The following CDYL variants were observed in gnomAD, a reference collection of about 807,000 sequenced individuals.
CDYL encodes chromodomain Y-like protein.
In CDYL, 8 loss-of-function variants were observed where a neutral mutation model predicts 47.3. The ratio of observed to expected loss-of-function variants is 0.17; its 90% CI spans 0.10 to 0.31. The LOEUF is 0.31. CDYL is among the 10% of genes least tolerant of loss of function. The pLI is 1.00. For missense variants in CDYL, 471 were observed against 701.4 expected (o/e 0.67, Z 3.71); for synonymous variants, 266 against 265.0 (o/e 1.00, Z -0.04).
intron 1 of CDYL, among the ~76,000 whole-genome samples, chr6:4,830,836 G>A (rs1182043242): frequency 6.9e-6 from 1 of 144,464 alleles, no homozygotes; most frequent in Non-Finnish European, 1.5e-5. Context: ...TCCCACCTAT[G>A]AGTGAGAATA....
chr6:4,795,857 T>G (rs60855041), intron 1 of CDYL, among the ~76,000 whole-genome samples: 5,989 of 152,318 alleles, frequency 0.039, 170 homozygotes, highest in South Asian at 0.082. Context: ...CGTATTGTTC[T>G]TTCATGAACA....
intron 3 of CDYL, among the ~76,000 whole-genome samples, chr6:4,744,120 C>T (rs771122928): frequency 2.0e-5 from 3 of 152,088 alleles, no homozygotes; most frequent in Non-Finnish European, 2.9e-5. Context: ...CTGAGCAGGA[C>T]GAAGGTCAGA....
At position 4,937,554 on chromosome 6, in the gene CDYL, G is replaced by A. The variant is rs1758236331; in HGVS notation, c.949-11G>A. On this transcript the variant is annotated splice_polypyrimidine_tract_variant and intron_variant, in intron 3 of 6. Transcript: ENST00000397588. ...ATATTCTTTGCCACTTTAACTTCTG[G>A]TGACTTTCAGGTAATGAGAGAAGTC... 6.6e-7 allele frequency: 1 copy of A among 1,517,952 alleles called. No homozygotes were observed. The highest frequency in any genetic ancestry group is 8.8e-7 in the Non-Finnish European group (1 of 1,133,578). The allele number at this position is 1,517,952 out of a possible 1,614,324, so 94.0% of individuals were successfully genotyped here.
intron 1 of CDYL, among the ~76,000 whole-genome samples, chr6:4,852,636 A>G (rs572458285): frequency 5.8e-4 from 87 of 148,862 alleles, no homozygotes; most frequent in Admixed American, 3.0e-3. Context: ...TTAGATTTAA[A>G]TCAAGTTTAC....
chr6:4,792,361 T>C (rs574954889), intron 1 of CDYL, among the ~76,000 whole-genome samples: 2 of 152,066 alleles, frequency 1.3e-5, no homozygotes, highest in Non-Finnish European at 2.9e-5. Context: ...TTAAAATCAA[T>C]AATACATTTA....
At chr6:4,859,163 GCTCT>G (rs949526809) in intron 1 of CDYL, among the ~76,000 whole-genome samples, 3 of 152,106 alleles carry the variant, frequency 2.0e-5, no homozygotes, top group Admixed American at 6.5e-5. Flanking sequence ...TTTCCTTCAT[GCTCT>G]CTATTTTGTG....
chr6:4,946,997 G>A (rs1021370335), intron 5 of CDYL, among the ~76,000 whole-genome samples: 3 of 152,170 alleles, frequency 2.0e-5, no homozygotes, highest in African/African-American at 7.2e-5. Context: ...GGCCAAATCA[G>A]TATCGCAGGA....
At chr6:4,835,409 G>A (rs191862290) in intron 1 of CDYL, among the ~76,000 whole-genome samples, 138 of 152,338 alleles carry the variant, frequency 9.1e-4, no homozygotes, top group Admixed American at 2.1e-3. Flanking sequence ...CACGAATGCT[G>A]CTGTCTGATC....
At chr6:4,880,786 G>C (rs191250936) in intron 1 of CDYL, among the ~76,000 whole-genome samples, 9 of 152,292 alleles carry the variant, frequency 5.9e-5, no homozygotes, top group African/African-American at 1.9e-4. Flanking sequence ...GACATATTCT[G>C]TGGCACATCT....
intron 1 of CDYL, among the ~76,000 whole-genome samples, chr6:4,887,380 A>G (rs1761926126): frequency 6.6e-6 from 1 of 152,112 alleles, no homozygotes; most frequent in African/African-American, 2.4e-5. Flanking sequence ...AATGCTTTAT[A>G]GTTTCCACTT....
chr6:4,888,153 C>A (rs79528053), intron 1 of CDYL, among the ~76,000 whole-genome samples: 111 of 152,124 alleles, frequency 7.3e-4, no homozygotes, highest in African/African-American at 2.6e-3. Context: ...CTATAGCTTT[C>A]TTGTGATGTC....
rs115700378 is a variant in CDYL, at chr6:4,883,422, C to T, written c.25-8291C>T. On this transcript the variant is annotated intron_variant, in intron 1 of 6. Transcript: ENST00000397588. ...GTGACGATTTGGTGCATTCCTTTGA[C>T]CCATGCGGAGAATTCTATCAGAAGC... Among the ~76,000 whole-genome samples the T allele has an allele frequency of 8.4e-3, 1,281 of 152,212 alleles. 21 individuals carry two copies. The highest frequency in any genetic ancestry group is 0.03 in the African/African-American group (1,230 of 41,526).
At chr6:4,715,593 G>A in intron 1 of CDYL, 1 of 659,564 alleles carries the variant, frequency 1.5e-6, no homozygotes, top group Non-Finnish European at 2.5e-6. Flanking sequence ...ACTGCTTACT[G>A]ACATTTATTG....
chr6:4,766,297 C>T lies in CDYL; in HGVS notation c.186+31453C>T, dbSNP rs527309264. On this transcript the variant is annotated intron_variant, in intron 3 of 8. Transcript: ENST00000328908. ...TGATCTTGGCTCACTGCAACCTCCA[C>T]CTCCTGGGTTCAAGTGATTCTCCTG... Among the ~76,000 whole-genome samples the T allele has an allele frequency of 2.6e-5, 4 of 152,252 alleles. No individual in the cohort carries two copies. The East Asian group carries it at 7.8e-4, about 30-fold the overall frequency.
intron 1 of CDYL, among the ~76,000 whole-genome samples, chr6:4,794,319 C>G (rs1267680197): frequency 6.6e-6 from 1 of 152,074 alleles, no homozygotes; most frequent in Non-Finnish European, 1.5e-5. Flanking sequence ...GTGTTTGGTG[C>G]TGCTGAGGAC....
chr6:4,925,079 C>T (rs1372827615), intron 2 of CDYL, among the ~76,000 whole-genome samples: 2 of 152,122 alleles, frequency 1.3e-5, no homozygotes, highest in Non-Finnish European at 2.9e-5. Context: ...AGTTGTAATA[C>T]CTGATGTGGG....
intron 2 of CDYL, among the ~76,000 whole-genome samples, chr6:4,894,851 GTGTGTATA>G (rs1561692182): frequency 1.6e-4 from 17 of 104,450 alleles, no homozygotes; most frequent in African/African-American, 6.0e-4. Context: ...GTGTGTGTGT[GTGTGTATA>G]TGTGTATATA....
chr6:4,822,209 G>T lies in CDYL; in HGVS notation c.24+45402G>T, dbSNP rs949387337. Among the ~76,000 whole-genome samples the T allele has an allele frequency of 4.0e-5, 6 of 151,838 alleles. 1 individual carries two copies. Among genetic ancestry groups the T allele is most frequent in the African/African-American group, 1.5e-4 (6 of 41,304 alleles). On this transcript the variant is annotated intron_variant, in intron 1 of 6. Transcript: ENST00000397588. Reference sequence around the variant, plus strand: ...GGGGGGCATCTCACTGTGTCACCCAGGCTGGTCTTGAACTCCTGGGCTCAG... The same window carrying T: ...GGGGGGCATCTCACTGTGTCACCCATGCTGGTCTTGAACTCCTGGGCTCAG...
chr6:4,914,014 A>G (rs1310991784), intron 2 of CDYL, among the ~76,000 whole-genome samples: 4 of 152,066 alleles, frequency 2.6e-5, no homozygotes, highest in Admixed American at 6.5e-5. Flanking sequence ...TGCTCTCTCT[A>G]TGGTTTCTCC....
Sources: allele counts gnomAD v4.1 joint callset (sites outside exome capture counted in the v4.1 genomes callset), GRCh38; gene constraint gnomAD v4.1.1; transcripts MANE v1.5; gene names NCBI Gene and HGNC (gene_info 2026-07-23, HGNC 2026-07-21).